SPATA6L: variants seen among roughly 807,000 people sequenced by gnomAD.
SPATA6L encodes spermatogenesis associated 6-like protein.
Under a neutral mutation model 49.2 loss-of-function variants are expected in SPATA6L, and 68 were observed. The observed-to-expected ratio is 1.38, with a 90% confidence interval of 1.14 to 1.69. The LOEUF (loss-of-function observed/expected upper bound fraction) is 1.69. Ranked by LOEUF, SPATA6L falls within the 40% of genes most tolerant of loss-of-function variation. The pLI, the probability that SPATA6L is intolerant of heterozygous loss-of-function variation, is 0.00. For synonymous variants in SPATA6L, 198 were observed against 165.7 expected, an observed-to-expected ratio of 1.19 and a Z score of -1.50; for missense variants, 668 against 464.3, an observed-to-expected ratio of 1.44 and a Z score of -4.03.
chr9:4,590,960 C>T (rs564133458), intron 13 of SPATA6L, among the ~76,000 whole-genome samples: 1 of 152,240 alleles, frequency 6.6e-6, no homozygotes, highest in East Asian at 1.9e-4. Context: ...CGCTTCGGGG[C>T]ACTTGAGGGA....
chr9:4,637,121 C>T (rs925536017), intron 3 of SPATA6L, among the ~76,000 whole-genome samples: 4 of 152,170 alleles, frequency 2.6e-5, no homozygotes, highest in Non-Finnish European at 5.9e-5. Context: ...AATAATCTCT[C>T]CTAATTCATT....
chr9:4,591,313 A>G (rs1821886195), intron 13 of SPATA6L, among the ~76,000 whole-genome samples: 1 of 152,220 alleles, frequency 6.6e-6, no homozygotes, highest in South Asian at 2.1e-4. Flanking sequence ...TTCCAAGGTT[A>G]TTAGCTTAGC....
chr9:4,618,269 G>A (rs1453364894), intron 8 of SPATA6L, among the ~76,000 whole-genome samples, 159 bp from the exon 9 acceptor site: 1 of 151,952 alleles, frequency 6.6e-6, no homozygotes, highest in Non-Finnish European at 1.5e-5. Flanking sequence ...GAGAAGAGAA[G>A]ACTAGTGACA....
At chr9:4,654,981 G>GT in intron 3 of SPATA6L, among the ~76,000 whole-genome samples, 1 of 152,058 alleles carries the variant, frequency 6.6e-6, no homozygotes, top group African/African-American at 2.4e-5. Flanking sequence ...ATCATTTAAA[G>GT]GTACCACTCT....
intron 9 of SPATA6L, among the ~76,000 whole-genome samples, chr9:4,617,130 T>A (rs1392641087): frequency 1.3e-5 from 2 of 152,210 alleles, no homozygotes; most frequent in Admixed American, 1.3e-4. Flanking sequence ...ACTGTGGTTC[T>A]GGGATATATT....
chr9:4,648,675 G>A (rs1214200935), intron 3 of SPATA6L, among the ~76,000 whole-genome samples: 1 of 137,330 alleles, frequency 7.3e-6, no homozygotes, highest in Non-Finnish European at 1.6e-5. Flanking sequence ...ACTCCAGCCT[G>A]GGCGACAGAG....
At chr9:4,635,889 T>G (rs563586019) in intron 3 of SPATA6L, among the ~76,000 whole-genome samples, 5 of 152,300 alleles carry the variant, frequency 3.3e-5, no homozygotes, top group Non-Finnish European at 7.4e-5. Flanking sequence ...TTTTGGACAT[T>G]TGTGGAAATA....
downstream of SPATA6L, chr9:4,596,403 A>G (rs1822262421): frequency 6.6e-6 from 1 of 152,232 alleles, no homozygotes; most frequent in South Asian, 2.1e-4. Context: ...AGTTCCCACC[A>G]TGAATGCAAC....
downstream of SPATA6L, among the ~76,000 whole-genome samples, chr9:4,593,798 C>T (rs980281817): frequency 5.3e-5 from 8 of 152,170 alleles, no homozygotes; most frequent in African/African-American, 1.4e-4. Context: ...CCCGCCTGAC[C>T]GTTTTCCACC....
intron 10 of SPATA6L, 132 bp from the exon 11 acceptor site, chr9:4,604,401 T>G (rs1034973265): frequency 1.8e-6 from 1 of 545,624 alleles, no homozygotes; most frequent in East Asian, 3.2e-5. Context: ...TCACTATATA[T>G]GTGTGTATAT....
At position 4,624,087 on chromosome 9, in the gene SPATA6L, C is replaced by G. The variant is rs114326685; in HGVS notation, c.669+1240G>C. On this transcript the variant is annotated intron_variant, in intron 6 of 11. Transcript: ENST00000682582. The stretch of plus-strand genomic sequence containing the variant: ...CAATTCATAGTCTCTGCCTAATACA[C>G]AAGCATCACCACTGATGACTTTAAA... Among the ~76,000 whole-genome samples, 639 of 152,320 alleles carry G rather than the reference C, an allele frequency of 4.2e-3. 6 individuals are homozygous for G. The highest frequency in any genetic ancestry group is 0.015 in the African/African-American group (613 of 41,562).
At chr9:4,663,395 T>G in intron 1 of SPATA6L, 1 of 911,816 alleles carries the variant, frequency 1.1e-6, no homozygotes, top group Non-Finnish European at 1.7e-6. Context: ...AGGTGTCCCA[T>G]GATCTTGATG....
rs1396035877 is a variant in SPATA6L at position 4,626,720 on chromosome 9, C to T, written c.430-1154G>A. ...CCTGACTGGACCCTGGCTGATATAT[C>T]AGTTAAGTGCTCAACAAAAGGAAAA... On this transcript the variant is annotated intron_variant, in intron 5 of 11. Transcript: ENST00000682582. The T allele has an allele frequency of 3.7e-4, 153 of 409,764 alleles. 2 individuals carry two copies. The highest frequency in any genetic ancestry group is 6.0e-5 in the Non-Finnish European group (14 of 235,084). The allele number at this position is 409,764 out of a possible 1,614,324, so 25.4% of individuals were successfully genotyped here. A position where few individuals can be genotyped will look rare whatever the true frequency, so the allele number is the denominator to read the frequency against.
chr9:4,608,956 A>C (rs1176111165), intron 9 of SPATA6L, among the ~76,000 whole-genome samples: 1 of 152,146 alleles, frequency 6.6e-6, no homozygotes, highest in Non-Finnish European at 1.5e-5. Flanking sequence ...TAAAATGATA[A>C]AGGGGATATC....
chr9:4,626,269 C>T (rs1181083614), intron 5 of SPATA6L: 2 of 694,182 alleles, frequency 2.9e-6, no homozygotes, highest in Non-Finnish European at 3.9e-6. Flanking sequence ...GGACTAGCCC[C>T]ATTGCACTCC....
chr9:4,655,958 G>A (rs890118104), intron 3 of SPATA6L, 83 bp downstream of exon 3: 5 of 1,073,984 alleles, frequency 4.7e-6, no homozygotes, highest in Non-Finnish European at 5.5e-6. Flanking sequence ...ACATATCACA[G>A]TTTAGAAAAG....
chr9:4,589,457 TC>T (rs745501831), intron 13 of SPATA6L, among the ~76,000 whole-genome samples: 22 of 152,208 alleles, frequency 1.4e-4, no homozygotes, highest in South Asian at 4.1e-4. Flanking sequence ...AAACAGTATA[TC>T]CAACCTAGTG....
At chr9:4,596,016 C>T (rs979167080), downstream of SPATA6L, among the ~76,000 whole-genome samples, 2 of 152,170 alleles carry the variant, frequency 1.3e-5, no homozygotes, top group African/African-American at 4.8e-5. Context: ...ACTCCAGCTC[C>T]CATCACTCAC....
intron 3 of SPATA6L, among the ~76,000 whole-genome samples, chr9:4,638,910 G>A (rs562818155): frequency 2.0e-5 from 3 of 151,550 alleles, no homozygotes; most frequent in Non-Finnish European, 4.4e-5. Context: ...TCAGCCTCCC[G>A]AGTAACTGGG....
Sources: allele counts gnomAD v4.1 joint callset (sites outside exome capture counted in the v4.1 genomes callset), GRCh38; gene constraint gnomAD v4.1.1; transcripts MANE v1.5; gene names NCBI Gene and HGNC (gene_info 2026-07-23, HGNC 2026-07-21).